Variants in SLC25A24 observed in about 807,000 individuals in gnomAD.
SLC25A24 encodes the protein mitochondrial adenyl nucleotide antiporter SLC25A24.
SLC25A24 carries 49 observed loss-of-function variants against 60.7 expected under a neutral mutation model. The observed-to-expected ratio is 0.81, with a 90% CI of 0.64 to 1.02. The LOEUF is 1.02. Ranked by LOEUF, SLC25A24 falls within the 50% of genes least tolerant of loss-of-function variation. The pLI, the probability that SLC25A24 is intolerant of heterozygous loss-of-function variation, is 0.00. For synonymous variants in SLC25A24, 202 were observed against 200.6 expected, an observed-to-expected ratio of 1.01 and a Z score of -0.06; for missense variants, 564 against 586.3, an observed-to-expected ratio of 0.96 and a Z score of 0.39.
rs377459827 is a variant in SLC25A24 at position 108,187,987 on chromosome 1, A to G, written c.184-2033T>C. Among the ~76,000 whole-genome samples, 22 of 138,388 alleles carry G rather than the reference A, an allele frequency of 1.6e-4. No homozygotes were observed. In the East Asian group the frequency reaches 2.9e-3, roughly 18 times the overall value. The allele number at this position is 138,388 out of a possible 152,430, so 90.8% of individuals were successfully genotyped here. On this transcript the variant is annotated intron_variant, in intron 1 of 9. Transcript: ENST00000565488. ...TTTCAGTCAATGATAGACCATATAT[A>G]TGACAGTGATTTAGTAAGGTTATAG...
chr1:108,157,435 A>T (rs1298173520), intron 5 of SLC25A24, 27 bp downstream of exon 5: 5 of 1,602,256 alleles, frequency 3.1e-6, no homozygotes, highest in Non-Finnish European at 4.3e-6. Flanking sequence ...TTTAGGGCAA[A>T]CCTGGACACA....
chr1:108,157,981 A>G (rs187890028), intron 4 of SLC25A24, among the ~76,000 whole-genome samples: 1 of 152,340 alleles, frequency 6.6e-6, no homozygotes, highest in East Asian at 1.9e-4. Context: ...ATAAGGCTAG[A>G]AAACCAACTG....
chr1:108,175,836 A>T (rs1259563221), intron 3 of SLC25A24, among the ~76,000 whole-genome samples: 2 of 152,242 alleles, frequency 1.3e-5, no homozygotes, highest in African/African-American at 4.8e-5. Flanking sequence ...TCTTCAAAAT[A>T]TTAAAGATAT....
chr1:108,166,189 G>C (rs1157794170), intron 3 of SLC25A24, among the ~76,000 whole-genome samples: 1 of 152,192 alleles, frequency 6.6e-6, no homozygotes, highest in Non-Finnish European at 1.5e-5. Context: ...GCTTCCATTT[G>C]AGGGTAACCC....
At chr1:108,192,848 G>A in intron 1 of SLC25A24, 1 of 1,051,860 alleles carries the variant, frequency 9.5e-7, no homozygotes, top group Non-Finnish European at 1.2e-6. Flanking sequence ...GCAGGACCCG[G>A]GACCTGCGTG....
rs757250442 is a variant in SLC25A24 at position 108,192,525 on chromosome 1, C to G, written c.184-6571G>C. 35 of 1,498,054 alleles carry G rather than the reference C, an allele frequency of 2.3e-5. 6 individuals are homozygous for G. Among genetic ancestry groups the G allele is most frequent in the Non-Finnish European group, 3.1e-5 (34 of 1,113,518 alleles). The allele number at this position is 1,498,054 out of a possible 1,614,324, so 92.8% of individuals were successfully genotyped here. On this transcript the variant is annotated intron_variant, in intron 1 of 9. Coordinates refer to ENST00000565488, the MANE Select transcript of SLC25A24 (RefSeq NM_013386.5). ...GCTTCCTCTAGAGATTGAATGGCCCCTACATCCTCCAGGCCTTCCTGAAGC... is the reference window on the plus strand; with the variant it reads ...GCTTCCTCTAGAGATTGAATGGCCCGTACATCCTCCAGGCCTTCCTGAAGC...
rs780069314 is a variant in SLC25A24, at chr1:108,136,814, G to C, written c.1273C>G (p.Leu425Val). The C allele has an allele frequency of 6.2e-7, 1 of 1,614,000 alleles. No homozygotes were observed. The highest frequency in any genetic ancestry group is 1.1e-5 in the South Asian group (1 of 91,074). Residue 425 changes from leucine (L) to valine (V), a missense_variant, in exon 10 of 10, where the codon CTG becomes GTG. Transcript: ENST00000565488. The part of the protein sequence containing the change: ...AQAMLEGSPQ[L>V]NMVGLFRRII... The stretch of plus-strand genomic sequence containing the variant: ...CGTCGAAAGAGGCCAACCATATTCA[G>C]CTGTGGGGAACCTTCTAACATGGCT...
Position 108,200,244 on chromosome 1 carries a change from C to G in SLC25A24, c.-106G>C. The G allele has an allele frequency of 8.5e-7, 1 of 1,169,788 alleles. No homozygotes were observed. The highest frequency in any genetic ancestry group is 1.1e-6 in the Non-Finnish European group (1 of 898,690). The allele number at this position is 1,169,788 out of a possible 1,614,324, so 72.5% of individuals were successfully genotyped here. Reference sequence around the variant, plus strand: ...GCCGGGCTGGGCGGGGCGCGCGGCGCAACAGCGTTTGGGGCGCCGTCGGGG... The same window carrying G: ...GCCGGGCTGGGCGGGGCGCGCGGCGGAACAGCGTTTGGGGCGCCGTCGGGG... On this transcript the variant is annotated 5_prime_UTR_variant, in exon 1 of 10. Coordinates refer to ENST00000565488, the MANE Select transcript of SLC25A24 (RefSeq NM_013386.5).
chr1:108,160,970 G>C (rs947001978), intron 4 of SLC25A24, among the ~76,000 whole-genome samples: 7 of 152,032 alleles, frequency 4.6e-5, no homozygotes, highest in African/African-American at 1.7e-4. Flanking sequence ...CCGTGGGGAG[G>C]GGGAGAGAGA....
In SLC25A24 at chr1:108,141,735, T is replaced by TTATTTC. The variant is rs1459261708; in HGVS notation, c.1098+1807_1098+1808insGAAATA. 7.9e-5 allele frequency among the ~76,000 whole-genome samples: 12 copies of TTATTTC among 152,288 alleles called. No homozygotes were observed. The South Asian group carries it at 2.3e-3, about 29-fold the overall frequency. ...TCATATGGATGAATCATGAGGAAAC[T>TTATTTC]ATGTTACATGAAATAAGCCAGTCAC... On this transcript the variant is annotated intron_variant, in intron 8 of 9. Transcript: ENST00000565488.
At position 108,189,870 on chromosome 1, in the gene SLC25A24, A is replaced by AAT. The variant is rs979965957; in HGVS notation, c.184-3918_184-3917dup. 2.5e-3 allele frequency among the ~76,000 whole-genome samples: 369 copies of AAT among 149,668 alleles called. 3 individuals carry two copies. The highest frequency in any genetic ancestry group is 8.3e-3 in the African/African-American group (337 of 40,708). On this transcript the variant is annotated intron_variant, in intron 1 of 9. Coordinates refer to ENST00000565488, the MANE Select transcript of SLC25A24 (RefSeq NM_013386.5). ...AAGATAAAGTAAAAAAAAATTAAAA[A>AAT]ATATATATATATATGTATATATAGA...
chr1:108,136,748 T>C lies in SLC25A24; in HGVS notation c.1339A>G (p.Ile447Val), dbSNP rs1298235532. The change falls in exon 10 of 10, where the codon ATC becomes GTC. Residue 447 changes from isoleucine to valine, a missense_variant. Physicochemically the swap from Ile to Val is conservative, Grantham distance 29. Transcript: ENST00000565488. ...KEGIPGLYRG[I>V]TPNFMKVLPA... Reference sequence around the variant, plus strand: ...AGCACCTTCATGAAGTTTGGGGTGATGCCTCTGTAAAGTCCTGGTATTCCT... The same window carrying C: ...AGCACCTTCATGAAGTTTGGGGTGACGCCTCTGTAAAGTCCTGGTATTCCT... 6.2e-7 allele frequency: 1 copy of C among 1,614,128 alleles called. No individual in the cohort carries two copies. The highest frequency in any genetic ancestry group is 8.5e-7 in the Non-Finnish European group (1 of 1,179,946).
chr1:108,190,316 G>A (rs1648304244), intron 1 of SLC25A24, among the ~76,000 whole-genome samples: 1 of 152,170 alleles, frequency 6.6e-6, no homozygotes, highest in Non-Finnish European at 1.5e-5. Flanking sequence ...TTCGTCCTAA[G>A]TTGGAAGTGA....
At chr1:108,180,162 G>C (rs188477625) in intron 3 of SLC25A24, among the ~76,000 whole-genome samples, 242 of 151,976 alleles carry the variant, frequency 1.6e-3, no homozygotes, top group African/African-American at 5.7e-3. Context: ...TCAGGAGTTC[G>C]AGACAAGCCT....
chr1:108,191,086 C>T lies in SLC25A24; in HGVS notation c.184-5132G>A, dbSNP rs1176169653. Among the ~76,000 whole-genome samples, 2 of 140,144 alleles carry T rather than the reference C, an allele frequency of 1.4e-5. 1 individual carries two copies. The highest frequency in any genetic ancestry group is 3.1e-5 in the Non-Finnish European group (2 of 63,898). 91.9% of individuals were successfully genotyped at this position (140,144 alleles called of 152,430 possible). On this transcript the variant is annotated intron_variant, in intron 1 of 9. Transcript: ENST00000565488. Reference sequence around the variant, plus strand: ...ATCAAATAAACAAATACAACTTACACTTGCAAATCTAAATATAAGAGTGTC... The same window carrying T: ...ATCAAATAAACAAATACAACTTACATTTGCAAATCTAAATATAAGAGTGTC...
intron 6 of SLC25A24, among the ~76,000 whole-genome samples, chr1:108,150,607 G>A (rs772656473): frequency 3.3e-5 from 5 of 152,030 alleles, no homozygotes; most frequent in Non-Finnish European, 1.5e-5. Flanking sequence ...GAGGCCACCA[G>A]GCAGAATATC....
At chr1:108,177,549 T>A (rs964731526) in intron 3 of SLC25A24, among the ~76,000 whole-genome samples, 8 of 152,120 alleles carry the variant, frequency 5.3e-5, no homozygotes, top group African/African-American at 1.7e-4. Flanking sequence ...ACACACAGAC[T>A]GATGGTGAAG....
intron 9 of SLC25A24, among the ~76,000 whole-genome samples, chr1:108,138,341 T>C (rs201535792): frequency 6.6e-6 from 1 of 152,126 alleles, no homozygotes; most frequent in East Asian, 1.9e-4. Context: ...AGGTTGGGAA[T>C]AGAGCTGTAG....
chr1:108,192,603 C>A lies in SLC25A24; in HGVS notation c.184-6649G>T. ...TTATAGTCCAGGTACCAAAAGAGATCTCCGTAGAGGGAGTCCATCGAGGAT... is the reference window on the plus strand; with the variant it reads ...TTATAGTCCAGGTACCAAAAGAGATATCCGTAGAGGGAGTCCATCGAGGAT... On this transcript the variant is annotated intron_variant, in intron 1 of 9. Coordinates refer to ENST00000565488, the MANE Select transcript of SLC25A24 (RefSeq NM_013386.5). 3 of 1,497,908 alleles carry A rather than the reference C, an allele frequency of 2.0e-6. 1 individual carries two copies. Among genetic ancestry groups the A allele is most frequent in the Non-Finnish European group, 2.7e-6 (3 of 1,113,178 alleles). 92.8% of individuals were successfully genotyped at this position (1,497,908 alleles called of 1,614,324 possible). A position where few individuals can be genotyped will look rare whatever the true frequency, so the allele number is the denominator to read the frequency against.
Sources: allele counts gnomAD v4.1 joint callset (sites outside exome capture counted in the v4.1 genomes callset), GRCh38; gene constraint gnomAD v4.1.1; transcripts MANE v1.5; gene names NCBI Gene and HGNC (gene_info 2026-07-23, HGNC 2026-07-21).